Variants in TMEM131L observed in about 807,000 individuals in gnomAD.
The protein encoded by TMEM131L is transmembrane protein 131-like.
A neutral mutation model predicts 192.2 loss-of-function variants in TMEM131L; 54 were observed. The ratio of observed to expected loss-of-function variants is 0.28; its 90% CI spans 0.23 to 0.35. The LOEUF (loss-of-function observed/expected upper bound fraction) is 0.35. Among genes scored for constraint, TMEM131L ranks in the 10% least tolerant of loss-of-function variants. TMEM131L has a pLI of 1.00. For synonymous variants in TMEM131L, 701 were observed against 704.9 expected (o/e 0.99, Z 0.09); for missense variants, 1,888 against 1,972.9 (o/e 0.96, Z 0.82).
chr4:153,485,938 G>A (rs1475909555), intron 3 of TMEM131L, among the ~76,000 whole-genome samples: 1 of 152,178 alleles, frequency 6.6e-6, no homozygotes, highest in East Asian at 1.9e-4. Flanking sequence ...AAAACAATTT[G>A]TTGAAGGTTA....
At chr4:153,578,119 G>A (rs1033901980) in intron 7 of TMEM131L, among the ~76,000 whole-genome samples, 16 of 152,188 alleles carry the variant, frequency 1.1e-4, no homozygotes, top group Admixed American at 8.5e-4. Flanking sequence ...GGGGCTGGTG[G>A]CAGCAGGGAG....
chr4:153,636,698 A>G lies in TMEM131L; in HGVS notation c.*122A>G. On this transcript the variant is annotated 3_prime_UTR_variant, in exon 35 of 35. Transcript: ENST00000409959. ...TTTTGGCACTTTTATATGAAAATAAATTTTTTAATGAAATCTGGGTGCTCT... is the reference window on the plus strand; with the variant it reads ...TTTTGGCACTTTTATATGAAAATAAGTTTTTTAATGAAATCTGGGTGCTCT... The G allele has an allele frequency of 1.0e-6, 1 of 959,282 alleles. No individual in the cohort carries two copies. The allele number at this position is 959,282 out of a possible 1,614,324, so 59.4% of individuals were successfully genotyped here.
intron 3 of TMEM131L, among the ~76,000 whole-genome samples, chr4:153,510,561 C>A (rs1734284861): frequency 6.6e-6 from 1 of 152,134 alleles, no homozygotes. Context: ...GCAAAGGAAC[C>A]TTTTGCAAAT....
At chr4:153,559,812 T>C (rs17030166) in intron 7 of TMEM131L, among the ~76,000 whole-genome samples, 3,683 of 152,150 alleles carry the variant, frequency 0.024, 95 homozygotes, top group Middle Eastern at 0.088. Flanking sequence ...TGCATTCCCA[T>C]AGGTCTTAGA....
rs1561263375 is a variant in TMEM131L at position 153,632,876 on chromosome 4, C to T, written c.4328+38C>T. ...TTCTCTGATTGGTGCCTTGCTTAGT[C>T]TAAGGGCTTGCAGTTGGAATTTGAG... On this transcript the variant is annotated intron_variant, in intron 32 of 34. Transcript: ENST00000409959. The T allele has an allele frequency of 5.6e-6, 9 of 1,610,072 alleles. No homozygotes were observed. In the Admixed American group the frequency reaches 1.5e-4, roughly 27 times the overall value.
At chr4:153,567,639 T>C (rs1459443400) in intron 7 of TMEM131L, among the ~76,000 whole-genome samples, 3 of 151,342 alleles carry the variant, frequency 2.0e-5, no homozygotes, top group African/African-American at 7.3e-5. Flanking sequence ...CCGCCTCCAG[T>C]GTTCAAGCAA....
chr4:153,474,027 A>T (rs1467123318), intron 3 of TMEM131L, 139 bp downstream of exon 3: 8 of 551,502 alleles, frequency 1.5e-5, no homozygotes, highest in Non-Finnish European at 2.5e-5. Context: ...CATTTGTCGT[A>T]TCTATACCTT....
chr4:153,626,018 G>C (rs1308530560), intron 29 of TMEM131L, 129 bp from the exon 30 acceptor site: 2 of 588,112 alleles, frequency 3.4e-6, no homozygotes, highest in Non-Finnish European at 6.1e-6. Context: ...TAAAAAATGT[G>C]AGAATATCAG....
chr4:153,590,794 G>A (rs1462687398), intron 16 of TMEM131L, among the ~76,000 whole-genome samples: 1 of 151,890 alleles, frequency 6.6e-6, no homozygotes, highest in Non-Finnish European at 1.5e-5. Flanking sequence ...TGGCTGGTAG[G>A]AGCCCTTCGG....
chr4:153,537,889 G>T lies in TMEM131L; in HGVS notation c.240-12184G>T, dbSNP rs115553398. Among the ~76,000 whole-genome samples, 536 of 152,256 alleles carry T rather than the reference G, an allele frequency of 3.5e-3. 5 individuals carry two copies. Among genetic ancestry groups the T allele is most frequent in the African/African-American group, 0.012 (505 of 41,528 alleles). On this transcript the variant is annotated intron_variant, in intron 3 of 34. Transcript: ENST00000409959. ...TTTCTTCCACTGCTGTGTTATATCTGATGGACTCCTTTCTCCCTAGACTAA... is the reference window on the plus strand; with the variant it reads ...TTTCTTCCACTGCTGTGTTATATCTTATGGACTCCTTTCTCCCTAGACTAA...
At chr4:153,605,432 A>G (rs567788433) in intron 25 of TMEM131L, among the ~76,000 whole-genome samples, 1 of 152,338 alleles carries the variant, frequency 6.6e-6, no homozygotes, top group South Asian at 2.1e-4. Flanking sequence ...CAGTGGCGCA[A>G]TCTTGGCTCA....
chr4:153,591,025 C>G, intron 16 of TMEM131L, 28 bp from the exon 17 acceptor site: 1 of 1,419,302 alleles, frequency 7.0e-7, no homozygotes, highest in Non-Finnish European at 9.4e-7. Context: ...AAATATTTTT[C>G]ATAATAGTTT....
At chr4:153,610,679 G>T (rs773470828) in intron 25 of TMEM131L, among the ~76,000 whole-genome samples, 1 of 152,162 alleles carries the variant, frequency 6.6e-6, no homozygotes, top group Non-Finnish European at 1.5e-5. Context: ...TATGTATCTT[G>T]CTTTGAGTGA....
At chr4:153,506,045 A>C (rs1203040245) in intron 3 of TMEM131L, among the ~76,000 whole-genome samples, 1 of 152,198 alleles carries the variant, frequency 6.6e-6, no homozygotes, top group Non-Finnish European at 1.5e-5. Flanking sequence ...TTGAAGTAGA[A>C]CTAACTTAGG....
rs570461834 is a variant in TMEM131L, at chr4:153,549,370, T to C, written c.240-703T>C. ...AAACCTCTTTAGATTAATAGAGCTT[T>C]TAAAATGTCATATGGAAGTTGATGG... On this transcript the variant is annotated intron_variant, in intron 3 of 34. Coordinates refer to ENST00000409959, the MANE Select transcript of TMEM131L (RefSeq NM_001131007.2). Among the ~76,000 whole-genome samples, 22 of 152,376 alleles carry C rather than the reference T, an allele frequency of 1.4e-4. No homozygotes were observed. In the South Asian group the frequency reaches 4.6e-3, roughly 32 times the overall value.
intron 32 of TMEM131L, 47 bp downstream of exon 32, chr4:153,632,885 T>C: frequency 6.2e-7 from 1 of 1,600,230 alleles, no homozygotes; most frequent in Non-Finnish European, 8.5e-7. Flanking sequence ...TCTAAGGGCT[T>C]GCAGTTGGAA....
At chr4:153,515,300 T>A (rs1734656063) in intron 3 of TMEM131L, among the ~76,000 whole-genome samples, 1 of 152,246 alleles carries the variant, frequency 6.6e-6, no homozygotes, top group African/African-American at 2.4e-5. Context: ...TTTCTGTCTC[T>A]ATAAATTTGC....
intron 3 of TMEM131L, among the ~76,000 whole-genome samples, chr4:153,514,101 A>G (rs1734543874): frequency 6.6e-6 from 1 of 152,222 alleles, no homozygotes; most frequent in African/African-American, 2.4e-5. Flanking sequence ...CTTTGGAATC[A>G]TAAACCTTGG....
chr4:153,472,287 C>T (rs1042965136), intron 2 of TMEM131L, among the ~76,000 whole-genome samples: 10 of 152,108 alleles, frequency 6.6e-5, no homozygotes, highest in East Asian at 3.9e-4. Context: ...TTAGCCATTA[C>T]GTATGTTGTG....
Sources: gnomAD v4.1 joint callset for allele counts (sites outside exome capture counted in the v4.1 genomes callset) on GRCh38, gnomAD v4.1.1 for gene constraint, MANE v1.5 for transcripts, NCBI Gene and HGNC (gene_info 2026-07-23, HGNC 2026-07-21) for gene names.